The following FRMD5 variants were observed in gnomAD, a reference collection of about 807,000 sequenced individuals.
The protein encoded by FRMD5 is FERM domain-containing protein 5.
FRMD5 carries 20 observed loss-of-function variants against 69.0 expected under a neutral mutation model. That is an observed-to-expected ratio of 0.29 (90% CI 0.20 to 0.42). The LOEUF (loss-of-function observed/expected upper bound fraction) is 0.42, where lower values mean the gene tolerates loss of function less well. Ranked by LOEUF, FRMD5 falls within the 10% of genes least tolerant of loss-of-function variation. The pLI is 1.00. For synonymous variants in FRMD5, 271 were observed against 260.1 expected (o/e 1.04, Z -0.40); for missense variants, 595 against 708.6 (o/e 0.84, Z 1.82).
chr15:43,889,809 G>A (rs2088752323), intron 8 of FRMD5, among the ~76,000 whole-genome samples: 1 of 152,136 alleles, frequency 6.6e-6, no homozygotes, highest in South Asian at 2.1e-4. Flanking sequence ...CCATGTCACT[G>A]GAGGCCCCAT....
chr15:44,052,693 A>G (rs1892718966), intron 1 of FRMD5, among the ~76,000 whole-genome samples: 1 of 152,208 alleles, frequency 6.6e-6, no homozygotes, highest in Non-Finnish European at 1.5e-5. Context: ...AGACACCATG[A>G]CCATTTCTTA....
chr15:44,112,132 A>G (rs2076805830), intron 1 of FRMD5, among the ~76,000 whole-genome samples: 1 of 152,064 alleles, frequency 6.6e-6, no homozygotes, highest in African/African-American at 2.4e-5. Context: ...CGTGAGCCAC[A>G]GCGCCTGGCC....
At chr15:44,194,922 C>T in intron 1 of FRMD5, 31 bp downstream of exon 1, 11 of 1,503,566 alleles carry the variant, frequency 7.3e-6, no homozygotes, top group Non-Finnish European at 9.8e-6. Flanking sequence ...AAGGGGGTCC[C>T]GCGGGCGGGG....
At chr15:43,883,309 G>T (rs565710299) in intron 13 of FRMD5, among the ~76,000 whole-genome samples, 2 of 152,080 alleles carry the variant, frequency 1.3e-5, no homozygotes, top group Non-Finnish European at 2.9e-5. Flanking sequence ...TTTTGGCCGG[G>T]CTGGTCTTGA....
At chr15:43,923,397 GT>G in intron 2 of FRMD5, among the ~76,000 whole-genome samples, 1 of 152,320 alleles carries the variant, frequency 6.6e-6, no homozygotes, top group South Asian at 2.1e-4. Flanking sequence ...ACAGAGTGGG[GT>G]TAGGGGAGAT....
chr15:44,047,122 C>T (rs897353428), intron 1 of FRMD5, among the ~76,000 whole-genome samples: 11 of 152,270 alleles, frequency 7.2e-5, no homozygotes, highest in African/African-American at 2.4e-4. Context: ...CTCTGGCCAA[C>T]GTGGTGAAAC....
chr15:43,989,845 T>A (rs1889585161), intron 1 of FRMD5: 3 of 1,031,400 alleles, frequency 2.9e-6, no homozygotes, highest in Non-Finnish European at 4.5e-6. Flanking sequence ...GTGGTTGGCC[T>A]TGGGGCTCAG....
At chr15:44,049,898 T>G (rs1035068871) in intron 1 of FRMD5, among the ~76,000 whole-genome samples, 1 of 152,200 alleles carries the variant, frequency 6.6e-6, no homozygotes, top group Non-Finnish European at 1.5e-5. Flanking sequence ...ATCAACATCT[T>G]TATTGGAAAG....
chr15:43,953,692 C>G (rs147574806), intron 1 of FRMD5, among the ~76,000 whole-genome samples: 9 of 152,356 alleles, frequency 5.9e-5, no homozygotes, highest in African/African-American at 2.2e-4. Context: ...ATAATTTACA[C>G]TCCTGTGCCA....
chr15:43,919,268 T>C lies in FRMD5; in HGVS notation c.329+191A>G, dbSNP rs1595518877. 9.4e-6 allele frequency: 7 copies of C among 740,950 alleles called. No homozygotes were observed. In the East Asian group the frequency reaches 1.8e-4, roughly 19 times the overall value. 45.9% of individuals were successfully genotyped at this position (740,950 alleles called of 1,614,324 possible). A position where few individuals can be genotyped will look rare whatever the true frequency, so the allele number is the denominator to read the frequency against. ...CTTCTTGAAGGAAAGAAGTCCACTC[T>C]GTTGCGACTGCACTGAGGGGTACGC... On this transcript the variant is annotated intron_variant, in intron 4 of 13. Transcript: ENST00000417257.
At chr15:44,177,211 G>C (rs1207032479) in intron 1 of FRMD5, among the ~76,000 whole-genome samples, 1 of 152,016 alleles carries the variant, frequency 6.6e-6, no homozygotes, top group Admixed American at 6.6e-5. Flanking sequence ...ACAAAAACTT[G>C]TACAAAAATG....
intron 1 of FRMD5, among the ~76,000 whole-genome samples, chr15:44,000,066 T>C (rs1020951556): frequency 6.9e-6 from 1 of 144,870 alleles, no homozygotes; most frequent in Non-Finnish European, 1.5e-5. Flanking sequence ...GGAGTGCTCA[T>C]TGCAGCCCCA....
At chr15:44,005,240 C>T (rs1262035479) in intron 1 of FRMD5, among the ~76,000 whole-genome samples, 1 of 151,994 alleles carries the variant, frequency 6.6e-6, no homozygotes, top group South Asian at 2.1e-4. Context: ...CAGCACTTTG[C>T]GAGGCCAAGG....
chr15:44,151,671 G>A (rs1204477386), intron 1 of FRMD5, among the ~76,000 whole-genome samples: 1 of 151,994 alleles, frequency 6.6e-6, no homozygotes, highest in Non-Finnish European at 1.5e-5. Context: ...ACAAACAGAA[G>A]CTTCACAACA....
chr15:44,095,411 C>T (rs1359341325), intron 1 of FRMD5, among the ~76,000 whole-genome samples: 1 of 152,000 alleles, frequency 6.6e-6, no homozygotes, highest in African/African-American at 2.4e-5. Context: ...CACTATGTTA[C>T]CCAGGGTGGT....
chr15:44,170,873 CAAAG>C (rs1430743565), intron 1 of FRMD5, among the ~76,000 whole-genome samples: 1 of 152,146 alleles, frequency 6.6e-6, no homozygotes, highest in Non-Finnish European at 1.5e-5. Flanking sequence ...TTTCACTTAA[CAAAG>C]AGACTTACTA....
intron 1 of FRMD5, among the ~76,000 whole-genome samples, chr15:44,180,252 A>G (rs1329945494): frequency 2.0e-5 from 3 of 152,134 alleles, no homozygotes; most frequent in Non-Finnish European, 2.9e-5. Flanking sequence ...TAAATGAAAG[A>G]ATGCATATAA....
intron 1 of FRMD5, among the ~76,000 whole-genome samples, chr15:43,952,157 C>A (rs1308920642): frequency 6.6e-6 from 1 of 152,038 alleles, no homozygotes; most frequent in Admixed American, 6.6e-5. Flanking sequence ...CGAGCAACTT[C>A]CTCACCAGGT....
chr15:43,975,741 G>A (rs2090452467), intron 1 of FRMD5, among the ~76,000 whole-genome samples: 1 of 152,112 alleles, frequency 6.6e-6, no homozygotes, highest in South Asian at 2.1e-4. Flanking sequence ...AAAATCCCAG[G>A]AGGCTTTTTT....
Sources: allele counts gnomAD v4.1 joint callset (sites outside exome capture counted in the v4.1 genomes callset), GRCh38; gene constraint gnomAD v4.1.1; transcripts MANE v1.5; gene names NCBI Gene and HGNC (gene_info 2026-07-23, HGNC 2026-07-21).